The following PPFIBP2 variants were observed in gnomAD, a reference collection of about 807,000 sequenced individuals.
PPFIBP2 encodes liprin-beta-2.
In PPFIBP2, 118 loss-of-function variants were observed where a neutral mutation model predicts 118.3. The ratio of observed to expected loss-of-function variants is 1.00; its 90% CI spans 0.86 to 1.16. The LOEUF is 1.16. PPFIBP2 is among the 50% of genes most tolerant of loss of function. PPFIBP2 has a pLI of 0.00. For missense variants in PPFIBP2, 1,195 were observed against 1,073.1 expected (o/e 1.11, Z -1.59); for synonymous variants, 414 against 397.4 (o/e 1.04, Z -0.50).
At chr11:7,562,979 ACG>A (rs201490027) in intron 2 of PPFIBP2, among the ~76,000 whole-genome samples, 3,351 of 128,550 alleles carry the variant, frequency 0.026, 105 homozygotes, top group Middle Eastern at 0.048. Context: ...ATATATATAC[ACG>A]CACACACACA....
At chr11:7,644,438 G>T (rs1243010211) in intron 17 of PPFIBP2, among the ~76,000 whole-genome samples, 5 of 152,180 alleles carry the variant, frequency 3.3e-5, no homozygotes, top group Admixed American at 1.3e-4. Flanking sequence ...AGGCAAACAG[G>T]CTCTAGAGCC....
rs117357818 is a variant in PPFIBP2 at position 7,639,653 on chromosome 11, G to T, written c.1237-79G>T. On this transcript the variant is annotated intron_variant, in intron 14 of 23. Transcript: ENST00000299492. The stretch of plus-strand genomic sequence containing the variant: ...AAAAATGGCTCTTGCAAAACAGGGA[G>T]TTGTTCTGTATCCAAGGATTTCCTA... The T allele has an allele frequency of 1.6e-3, 2,504 of 1,583,374 alleles. 33 individuals carry two copies. The East Asian group carries it at 0.032, about 20-fold the overall frequency.
chr11:7,663,701 G>T, the PPFIBP2 span, among the ~76,000 whole-genome samples: 1 of 152,242 alleles, frequency 6.6e-6, no homozygotes, highest in East Asian at 1.9e-4. Flanking sequence ...CGGCTGCTTT[G>T]TTTACCTAAG....
chr11:7,565,508 G>A, intron 2 of PPFIBP2, 45 bp from the exon 3 acceptor site: 1 of 1,599,104 alleles, frequency 6.3e-7, no homozygotes, highest in Non-Finnish European at 8.6e-7. Flanking sequence ...CCTTGCTCAG[G>A]GTGTCCACCC....
At chr11:7,654,600 C>T (rs1269952908), downstream of PPFIBP2, among the ~76,000 whole-genome samples, 2 of 152,234 alleles carry the variant, frequency 1.3e-5, no homozygotes, top group Non-Finnish European at 1.5e-5. Context: ...TGGGGACAAG[C>T]TTGCCAGCTG....
At chr11:7,656,878 C>A, downstream of PPFIBP2, 1 of 1,062,388 alleles carries the variant, frequency 9.4e-7, no homozygotes. Context: ...GGGCACACAG[C>A]CCCCTCTGCA....
chr11:7,551,071 C>A (rs1852930214), intron 2 of PPFIBP2, among the ~76,000 whole-genome samples: 1 of 152,024 alleles, frequency 6.6e-6, no homozygotes, highest in Admixed American at 6.6e-5. Context: ...ATATCTATCT[C>A]CTATTAGTTC....
chr11:7,624,105 A>G (rs888236307), intron 7 of PPFIBP2, among the ~76,000 whole-genome samples: 2 of 152,152 alleles, frequency 1.3e-5, no homozygotes, highest in Admixed American at 1.3e-4. Flanking sequence ...GATGTTAGGG[A>G]AGGTTATTCA....
intron 21 of PPFIBP2, among the ~76,000 whole-genome samples, chr11:7,650,090 A>AGGCC (rs1853756704): frequency 1.3e-5 from 2 of 152,022 alleles, no homozygotes; most frequent in Non-Finnish European, 2.9e-5. Flanking sequence ...AGGCCCAGGT[A>AGGCC]CAGGGGATCC....
At chr11:7,665,904 T>C in the PPFIBP2 span, 3 of 1,536,030 alleles carry the variant, frequency 2.0e-6, no homozygotes, top group Non-Finnish European at 1.7e-6. Context: ...TGCGCAGAAT[T>C]GCTCAGTAGG....
chr11:7,601,549 G>A (rs543260314), intron 5 of PPFIBP2, among the ~76,000 whole-genome samples: 5 of 152,042 alleles, frequency 3.3e-5, no homozygotes, highest in Admixed American at 3.3e-4. Context: ...CCTTGTAGCT[G>A]TCTACATAGA....
At chr11:7,602,941 G>A (rs986040857) in intron 5 of PPFIBP2, among the ~76,000 whole-genome samples, 27 of 152,146 alleles carry the variant, frequency 1.8e-4, no homozygotes, top group African/African-American at 6.3e-4. Context: ...ACTCTGTATT[G>A]CCTACCTCTT....
rs778519483 is a variant in PPFIBP2 at position 7,616,729 on chromosome 11, G to A, written c.619-4206G>A. On this transcript the variant is annotated intron_variant, in intron 6 of 23. Transcript: ENST00000299492. This position sits in a 1 kb window ranked among gnomAD's most constrained non-coding sequence, Gnocchi z 5.2. Reference sequence around the variant, plus strand: ...GTTGGGTGTTTGGGTAAGGGGAGTCGGTGTGTGTATCATGCATATGTGGAG... The same window carrying A: ...GTTGGGTGTTTGGGTAAGGGGAGTCAGTGTGTGTATCATGCATATGTGGAG... 4.6e-5 allele frequency among the ~76,000 whole-genome samples: 7 copies of A among 151,860 alleles called. No homozygotes were observed. The highest frequency in any genetic ancestry group is 8.8e-5 in the Non-Finnish European group (6 of 68,004).
chr11:7,559,720 C>T (rs894440596), intron 2 of PPFIBP2, among the ~76,000 whole-genome samples: 1 of 152,084 alleles, frequency 6.6e-6, no homozygotes, highest in African/African-American at 2.4e-5. Context: ...GGGGTACTTT[C>T]TTTCTATAGG....
chr11:7,662,571 G>A, the PPFIBP2 span, among the ~76,000 whole-genome samples: 1 of 150,636 alleles, frequency 6.6e-6, no homozygotes. Flanking sequence ...CTCTCTGGCT[G>A]CCCTTAACAT....
Position 7,650,936 on chromosome 11 carries a change from C to T in PPFIBP2, c.2218C>T (p.Arg740Ter), listed in dbSNP as rs772750963. 5 of 1,613,898 alleles carry T rather than the reference C, an allele frequency of 3.1e-6. No individual in the cohort carries two copies. Among genetic ancestry groups the T allele is most frequent in the East Asian group, 2.2e-5 (1 of 44,880 alleles). The change falls in exon 22 of 24, where the codon CGA (arginine) becomes TGA (stop). Residue 740 changes from arginine to a stop codon, truncating the protein, a stop_gained. Transcript: ENST00000299492. LOFTEE classifies it high-confidence loss of function. ...CCTGGCAGAGTATGCACCCAATCTT[C>T]GAGGGAGTGGAGTCCATGGAGGCCT... ...VDLAEYAPNL[R>*]GSGVHGGLII...
chr11:7,663,435 G>A, the PPFIBP2 span, among the ~76,000 whole-genome samples: 6 of 152,014 alleles, frequency 3.9e-5, no homozygotes, highest in Non-Finnish European at 5.9e-5. Context: ...CCCCTGCTGG[G>A]GGGTGCCTCC....
chr11:7,605,895 C>T lies in PPFIBP2; in HGVS notation c.487-4396C>T, dbSNP rs527296098. 44 of 1,503,214 alleles carry T rather than the reference C, an allele frequency of 2.9e-5. 1 individual carries two copies. In the Middle Eastern group the frequency reaches 1.7e-3, roughly 58 times the overall value. 93.1% of individuals were successfully genotyped at this position (1,503,214 alleles called of 1,614,324 possible). A position where few individuals can be genotyped will look rare whatever the true frequency, so the allele number is the denominator to read the frequency against. On this transcript the variant is annotated intron_variant, in intron 5 of 23. Transcript: ENST00000299492. Reference sequence around the variant, plus strand: ...GTGACTGTGCTACTGAGAAGCTGAACGAAATGGAAAGCAAAGCCTGTTGGA... The same window carrying T: ...GTGACTGTGCTACTGAGAAGCTGAATGAAATGGAAAGCAAAGCCTGTTGGA...
chr11:7,663,305 G>T, the PPFIBP2 span, among the ~76,000 whole-genome samples: 1 of 149,414 alleles, frequency 6.7e-6, no homozygotes, highest in African/African-American at 2.4e-5. Flanking sequence ...TTTGATGATG[G>T]TGATGTACAG....
Sources: gnomAD v4.1 joint callset for allele counts (sites outside exome capture counted in the v4.1 genomes callset) on GRCh38, gnomAD v4.1.1 for gene constraint, Gnocchi (gnomAD v3.1) non-coding constraint, MANE v1.5 for transcripts, NCBI Gene and HGNC (gene_info 2026-07-23, HGNC 2026-07-21) for gene names.